Variants in TACC2 observed in about 807,000 individuals in gnomAD.
TACC2 encodes the protein transforming acidic coiled-coil containing protein 2.
A neutral mutation model predicts 227.3 loss-of-function variants in TACC2; 137 were observed. The observed-to-expected ratio is 0.60, with a 90% confidence interval of 0.52 to 0.69. TACC2 has a LOEUF of 0.69. Ranked by LOEUF, TACC2 falls within the 30% of genes least tolerant of loss-of-function variation. The pLI, the probability that TACC2 is intolerant of heterozygous loss-of-function variation, is 0.00. For synonymous variants in TACC2, 1,523 were observed against 1,487.5 expected (o/e 1.02, Z -0.55); for missense variants, 3,470 against 3,694.4 (o/e 0.94, Z 1.57).
chr10:122,205,824 C>G lies in TACC2; in HGVS notation c.5972-4573C>G, dbSNP rs904632556. On this transcript the variant is annotated intron_variant, in intron 8 of 22. Transcript: ENST00000369005. This position sits in a 1 kb window ranked among gnomAD's most constrained non-coding sequence, Gnocchi z 4.5. ...TCATCACGGACTTGCTCTGAGCTAC[C>G]CACAGCAACCAGCAAACTGCCACAG... Among the ~76,000 whole-genome samples, 4 of 152,120 alleles carry G rather than the reference C, an allele frequency of 2.6e-5. No individual in the cohort carries two copies. The highest frequency in any genetic ancestry group is 4.4e-5 in the Non-Finnish European group (3 of 68,022).
At position 122,088,467 on chromosome 10, in the gene TACC2, T is replaced by C. The variant is rs1369893512; in HGVS notation, c.5460-11T>C. 2 of 1,603,650 alleles carry C rather than the reference T, an allele frequency of 1.2e-6. No homozygotes were observed. Among genetic ancestry groups the C allele is most frequent in the Non-Finnish European group, 8.5e-7 (1 of 1,174,762 alleles). On this transcript the variant is annotated splice_polypyrimidine_tract_variant and intron_variant, in intron 4 of 22. Transcript: ENST00000369005. ...CATTATCCTATTAATTGCTTTCTTT[T>C]ATTATCCCAGAGAGAGCCCCAGGCC...
At chr10:122,220,119 A>G (rs1294096181) in intron 11 of TACC2, among the ~76,000 whole-genome samples, 2 of 152,064 alleles carry the variant, frequency 1.3e-5, no homozygotes, top group African/African-American at 2.4e-5. Context: ...TAGTTTTACC[A>G]TCAGGAACCA....
chr10:122,084,486 G>C lies in TACC2; in HGVS notation c.1986G>C (p.Lys662Asn), dbSNP rs2079878866. 1 of 1,613,326 alleles carries C rather than the reference G, an allele frequency of 6.2e-7. No individual in the cohort carries two copies. Among genetic ancestry groups the C allele is most frequent in the East Asian group, 2.2e-5 (1 of 44,868 alleles). The change falls in exon 4 of 23, where the codon AAG becomes AAC. Residue 662 changes from lysine to asparagine, a missense_variant. Around this residue, in one of 10 missense-constraint regions of TACC2, gnomAD observed 1,924 missense variants for 1,978.3 expected, o/e 0.97. Transcript: ENST00000369005. ...CTGATGCATCTGGCCTACCACACAA[G>C]CTGGGTGAGGAGGACCCCGTCCTGC... ...AEADASGLPH[K>N]LGEEDPVLPP...
At chr10:122,115,245 C>T (rs962149159) in intron 5 of TACC2, among the ~76,000 whole-genome samples, 1 of 151,752 alleles carries the variant, frequency 6.6e-6, no homozygotes, top group East Asian at 1.9e-4. Flanking sequence ...TGACACAGCC[C>T]CCACCTTCAA....
chr10:122,210,958 CCAA>C lies in TACC2; in HGVS notation c.6534_6536del (p.Lys2179del). 1.9e-6 allele frequency: 3 copies of C among 1,614,010 alleles called. No individual in the cohort carries two copies. Among genetic ancestry groups the C allele is most frequent in the Non-Finnish European group, 2.5e-6 (3 of 1,179,976 alleles). On this transcript the variant is annotated inframe_deletion, in exon 9 of 23. Coordinates refer to ENST00000369005, the MANE Select transcript of TACC2 (RefSeq NM_206862.4). This position sits in a 1 kb window ranked among gnomAD's most constrained non-coding sequence, Gnocchi z 4.6. ...GCATCTGAGACGAAAACGGAATCTG[CCAA>C]GACGGAAGGTCCTAGCCCAGCCTTA... is the stretch of plus-strand genomic sequence containing the variant.
At chr10:122,126,129 C>A (rs1201584248) in intron 5 of TACC2, among the ~76,000 whole-genome samples, 2 of 152,196 alleles carry the variant, frequency 1.3e-5, no homozygotes, top group East Asian at 3.9e-4. Context: ...CCTTTGATGG[C>A]TCTTCCTTGA....
intron 7 of TACC2, among the ~76,000 whole-genome samples, chr10:122,188,721 C>G (rs1225455757): frequency 1.3e-5 from 2 of 152,236 alleles, no homozygotes; most frequent in Non-Finnish European, 2.9e-5. Context: ...CTGCTATAAC[C>G]TAGCGATGGT....
At chr10:122,188,320 T>A (rs1223303833) in intron 7 of TACC2, among the ~76,000 whole-genome samples, 3 of 152,090 alleles carry the variant, frequency 2.0e-5, no homozygotes, top group Admixed American at 6.6e-5. Flanking sequence ...CGCCCTATCA[T>A]CCAGGCTGGA....
At chr10:122,216,208 G>A (rs7893717) in intron 10 of TACC2, among the ~76,000 whole-genome samples, 61,101 of 151,732 alleles carry the variant, frequency 0.4, 12,766 homozygotes, top group East Asian at 0.57. Context: ...CCACTCTCCA[G>A]TGGAAATGGA....
intron 7 of TACC2, among the ~76,000 whole-genome samples, chr10:122,144,890 T>C (rs1447366816): frequency 6.6e-6 from 1 of 152,182 alleles, no homozygotes; most frequent in Admixed American, 6.5e-5. Context: ...TCCACCCCTC[T>C]TGGATCCACC....
chr10:122,161,313 A>C (rs1163623339), intron 7 of TACC2, among the ~76,000 whole-genome samples: 1 of 152,188 alleles, frequency 6.6e-6, no homozygotes, highest in African/African-American at 2.4e-5. Flanking sequence ...CTGTCACTAC[A>C]TCATAACTTT....
Position 122,087,077 on chromosome 10 carries a change from G to A in TACC2, c.4577G>A (p.Arg1526Lys), listed in dbSNP as rs745475032. 17 of 1,612,362 alleles carry A rather than the reference G, an allele frequency of 1.1e-5. No individual in the cohort carries two copies. The highest frequency in any genetic ancestry group is 1.4e-5 in the Non-Finnish European group (17 of 1,179,356). ...KEMAGVPPTL[R>K]EDERPEGPGA... Reference sequence around the variant, plus strand: ...ATGGCAGGTGTCCCACCCACACTGAGGGAAGACGAGAGGCCAGAGGGGCCT... The same window carrying A: ...ATGGCAGGTGTCCCACCCACACTGAAGGAAGACGAGAGGCCAGAGGGGCCT... The change falls in exon 4 of 23, where the codon AGG (arginine) becomes AAG (lysine). Residue 1526 changes from arginine to lysine, a missense_variant. Around this residue, in one of 10 missense-constraint regions of TACC2, gnomAD observed 1,924 missense variants for 1,978.3 expected, o/e 0.97. Coordinates refer to ENST00000369005, the MANE Select transcript of TACC2 (RefSeq NM_206862.4).
intron 9 of TACC2, chr10:122,213,195 C>T: frequency 2.6e-6 from 2 of 759,184 alleles, no homozygotes; most frequent in South Asian, 3.3e-5. Context: ...GAAGCTGTTC[C>T]CCAGCAGCTC....
chr10:122,033,234 T>C (rs1959181782), intron 2 of TACC2: 1 of 950,936 alleles, frequency 1.1e-6, no homozygotes, highest in Non-Finnish European at 1.5e-6. Context: ...ATTTGGTGTG[T>C]CATGTGCATT....
chr10:122,060,223 G>T (rs1300866087), intron 3 of TACC2, among the ~76,000 whole-genome samples: 1 of 152,218 alleles, frequency 6.6e-6, no homozygotes. Flanking sequence ...TGAAGGCCAT[G>T]GTGAGGAACT....
intron 5 of TACC2, among the ~76,000 whole-genome samples, chr10:122,116,888 C>T (rs1319391636): frequency 1.3e-5 from 2 of 151,824 alleles, no homozygotes; most frequent in Non-Finnish European, 2.9e-5. Flanking sequence ...TGCTTTGCCA[C>T]TCTCCTTTCT....
intron 7 of TACC2, among the ~76,000 whole-genome samples, chr10:122,164,340 G>A (rs1157422878): frequency 1.3e-5 from 2 of 152,104 alleles, no homozygotes; most frequent in Admixed American, 6.6e-5. Context: ...CCTCCTCCTA[G>A]GAAGAACCCA....
rs532609127 is a variant in TACC2 at position 122,215,301 on chromosome 10, G to A, written c.7284-90G>A. ...AGGGTGGCCTGGGCCAGATGGCTCC[G>A]CAGAGGCAGTAGCTTCGGTCCGCTC... On this transcript the variant is annotated intron_variant, in intron 9 of 22. Coordinates refer to ENST00000369005, the MANE Select transcript of TACC2 (RefSeq NM_206862.4). 1.9e-4 allele frequency: 236 copies of A among 1,213,714 alleles called. 2 individuals are homozygous for A. The Middle Eastern group carries it at 3.2e-3, about 17-fold the overall frequency. The allele number at this position is 1,213,714 out of a possible 1,614,324, so 75.2% of individuals were successfully genotyped here.
chr10:122,069,775 C>T (rs2077827716), intron 3 of TACC2, among the ~76,000 whole-genome samples: 1 of 152,146 alleles, frequency 6.6e-6, no homozygotes, highest in South Asian at 2.1e-4. Flanking sequence ...TGGGGAGACC[C>T]TTCTAGAAAA....
Sources: gnomAD v4.1 joint callset for allele counts (sites outside exome capture counted in the v4.1 genomes callset) on GRCh38, gnomAD v4.1.1 for gene constraint, gnomAD v4.1.1 regional missense constraint, Gnocchi (gnomAD v3.1) non-coding constraint, MANE v1.5 for transcripts, NCBI Gene and HGNC (gene_info 2026-07-23, HGNC 2026-07-21) for gene names.